ADAMTS14: variants seen among roughly 807,000 people sequenced by gnomAD.
The protein encoded by ADAMTS14 is ADAM metallopeptidase with thrombospondin type 1 motif 14, also known as A disintegrin and metalloproteinase with thrombospondin motifs 14.
In ADAMTS14, 100 loss-of-function variants were observed where a neutral mutation model predicts 128.6. That is an observed-to-expected ratio of 0.78 (90% CI 0.66 to 0.92). The LOEUF (loss-of-function observed/expected upper bound fraction) is 0.92. ADAMTS14 is among the 40% of genes least tolerant of loss of function. ADAMTS14 has a pLI of 0.00. For synonymous variants in ADAMTS14, 665 were observed against 653.8 expected (o/e 1.02, Z -0.26); for missense variants, 1,562 against 1,658.6 (o/e 0.94, Z 1.01).
rs373377233 is a variant in ADAMTS14 at position 70,702,422 on chromosome 10, C to T, written c.633C>T (p.Ala211=). 1.1e-5 allele frequency: 17 copies of T among 1,613,564 alleles called. No homozygotes were observed. In the African/African-American group the frequency reaches 1.6e-4, roughly 15 times the overall value. Reference sequence around the variant, plus strand: ...CACATGTGGTGTACCGCCGGGAGGCCGTCCAGCAGGAGTGGGCAGAACCTG... The same window carrying T: ...CACATGTGGTGTACCGCCGGGAGGCTGTCCAGCAGGAGTGGGCAGAACCTG... ...GRTHVVYRRE[A]VQQEWAEPDG... The change falls in exon 3 of 22, where the codon GCC becomes GCT. Residue 211 remains alanine, a synonymous_variant. Transcript: ENST00000373207.
At position 70,760,379 on chromosome 10, in the gene ADAMTS14, C is replaced by T. The variant is rs1368550230; in HGVS notation, c.3198C>T (p.Asp1066=). 6 of 1,584,484 alleles carry T rather than the reference C, an allele frequency of 3.8e-6. 1 individual carries two copies. In the South Asian group the frequency reaches 6.9e-5, roughly 18 times the overall value. Residue 1066 remains aspartate (D), a synonymous_variant, in exon 22 of 22, where the codon GAC becomes GAT. Coordinates refer to ENST00000373207, the MANE Select transcript of ADAMTS14 (RefSeq NM_080722.4). ...KISSTEPCTG[D]RSVFCQMEVL... Reference sequence around the variant, plus strand: ...GTGCAGCGGAGCCCTGCACGGGAGACAGGTCTGTCTTCTGCCAGATGGAAG... The same window carrying T: ...GTGCAGCGGAGCCCTGCACGGGAGATAGGTCTGTCTTCTGCCAGATGGAAG...
At position 70,758,259 on chromosome 10, in the gene ADAMTS14, T is replaced by C; in HGVS notation, c.3152T>C (p.Leu1051Pro). 6.2e-7 allele frequency: 1 copy of C among 1,614,190 alleles called. No individual in the cohort carries two copies. Among genetic ancestry groups the C allele is most frequent in the African/African-American group, 1.3e-5 (1 of 75,060 alleles). ...CAGTGGGTGCCACAATCTGAACCCC[T>C]ACATCCCATTAACAAGATATCATCA... is the stretch of plus-strand genomic sequence containing the variant. Reference protein sequence around the residue: ...EGQWVPQSEPLHPINKISSTE... With the variant: ...EGQWVPQSEPPHPINKISSTE... Residue 1051 changes from leucine to proline, a missense_variant, in exon 21 of 22, where the codon CTA (leucine) becomes CCA (proline). Physicochemically the swap from Leu to Pro is moderately conservative, Grantham distance 98. Transcript: ENST00000373207.
intron 4 of ADAMTS14, 48 bp downstream of exon 4, chr10:70,708,826 G>GGGGCCCCC: frequency 1.8e-5 from 7 of 396,622 alleles, no homozygotes; most frequent in East Asian, 7.1e-5. Context: ...GGTGGGGTGG[G>GGGGCCCCC]CCCCACCCCA....
chr10:70,749,327 C>T (rs1319877593), intron 15 of ADAMTS14, among the ~76,000 whole-genome samples: 1 of 152,200 alleles, frequency 6.6e-6, no homozygotes, highest in African/African-American at 2.4e-5. Context: ...GTACAATGAT[C>T]ATTCCCATTC....
intron 11 of ADAMTS14, 152 bp from the exon 12 acceptor site, chr10:70,740,835 C>T: frequency 1.3e-6 from 1 of 783,962 alleles, no homozygotes. Flanking sequence ...CCACAGCCCC[C>T]ACCCTGGGAG....
At chr10:70,717,476 G>T (rs10999479) in intron 4 of ADAMTS14, among the ~76,000 whole-genome samples, 54,023 of 152,028 alleles carry the variant, frequency 0.36, 11,489 homozygotes, top group Non-Finnish European at 0.49. Context: ...TGGCATCTAG[G>T]TGTGGCGGGA....
intron 4 of ADAMTS14, among the ~76,000 whole-genome samples, chr10:70,727,957 G>A (rs1841497445): frequency 1.3e-5 from 2 of 152,212 alleles, no homozygotes; most frequent in Admixed American, 6.5e-5. Context: ...TTAGAAGGGT[G>A]TGGTGGCGGG....
At chr10:70,757,908 C>T (rs947676421) in intron 19 of ADAMTS14, 54 bp from the exon 20 acceptor site, 16 of 1,532,214 alleles carry the variant, frequency 1.0e-5, no homozygotes, top group Admixed American at 1.0e-4. Flanking sequence ...TCTTTCTTCT[C>T]TCCACCTACC....
intron 2 of ADAMTS14, among the ~76,000 whole-genome samples, chr10:70,684,513 C>G (rs1204898655): frequency 6.6e-6 from 1 of 152,254 alleles, no homozygotes; most frequent in Admixed American, 6.5e-5. Context: ...TTGCAGCCAT[C>G]TTTGCAAATA....
intron 6 of ADAMTS14, among the ~76,000 whole-genome samples, chr10:70,731,550 G>C (rs1182431603): frequency 1.3e-5 from 2 of 152,062 alleles, no homozygotes; most frequent in Non-Finnish European, 2.9e-5. Context: ...AGCTGGTGCC[G>C]GCCCCCCTGC....
At chr10:70,728,549 C>T (rs771755789) in intron 4 of ADAMTS14, among the ~76,000 whole-genome samples, 1 of 152,252 alleles carries the variant, frequency 6.6e-6, no homozygotes, top group Non-Finnish European at 1.5e-5. Flanking sequence ...GAGTGTCCGC[C>T]TCATGAACAC....
intron 2 of ADAMTS14, among the ~76,000 whole-genome samples, chr10:70,698,900 T>C (rs1284910198): frequency 6.6e-6 from 1 of 152,034 alleles, no homozygotes; most frequent in African/African-American, 2.4e-5. Context: ...GAGGGTGTGA[T>C]GAGGATGGTC....
chr10:70,744,200 C>A lies in ADAMTS14; in HGVS notation c.2182+11C>A. On this transcript the variant is annotated intron_variant, in intron 14 of 21. Transcript: ENST00000373207. ...CCTCCAAGCAGGCAGGTGAGCCGGG[C>A]TGGGGCTGGGGGGATGACGAGGGCT... The A allele has an allele frequency of 6.6e-7, 1 of 1,511,012 alleles. No homozygotes were observed. The highest frequency in any genetic ancestry group is 8.9e-7 in the Non-Finnish European group (1 of 1,123,262). The allele number at this position is 1,511,012 out of a possible 1,614,324, so 93.6% of individuals were successfully genotyped here.
chr10:70,717,626 A>AGGACCTCTTTGGACATGGGGATATTGGG (rs1841100890), intron 4 of ADAMTS14, among the ~76,000 whole-genome samples: 2 of 152,234 alleles, frequency 1.3e-5, no homozygotes, highest in Admixed American at 6.5e-5. Context: ...CTCTGGGGCG[A>AGGACCTCTTTGGACATGGGGATATTGGG]GGACCTCTTT....
chr10:70,760,854 G>A lies in ADAMTS14; in HGVS notation c.*1G>A. ...CCCTGCTGCCTCCCCGGTGACATGA[G>A]CTGTGCCCTGCCATCCCACTGGCAC... is the stretch of plus-strand genomic sequence containing the variant. On this transcript the variant is annotated 3_prime_UTR_variant, in exon 22 of 22. Transcript: ENST00000373207. 6.4e-7 allele frequency: 1 copy of A among 1,558,174 alleles called. No individual in the cohort carries two copies. Among genetic ancestry groups the A allele is most frequent in the Non-Finnish European group, 8.7e-7 (1 of 1,150,324 alleles).
At chr10:70,744,847 C>G (rs2132717768) in intron 14 of ADAMTS14, among the ~76,000 whole-genome samples, 1 of 152,120 alleles carries the variant, frequency 6.6e-6, no homozygotes, top group African/African-American at 2.4e-5. Context: ...TCTTCATGGC[C>G]TTTATCATTT....
chr10:70,678,804 C>T (rs1589255118), intron 2 of ADAMTS14, among the ~76,000 whole-genome samples: 1 of 152,284 alleles, frequency 6.6e-6, no homozygotes, highest in East Asian at 1.9e-4. Context: ...GCTCAGACCC[C>T]TTCCAGCTCT....
At chr10:70,721,057 C>G (rs1295533415) in intron 4 of ADAMTS14, among the ~76,000 whole-genome samples, 2 of 113,694 alleles carry the variant, frequency 1.8e-5, no homozygotes, top group Non-Finnish European at 3.3e-5. Flanking sequence ...TGGACTCTTG[C>G]TCTGTCACCC....
chr10:70,742,947 T>A (rs1385115160), intron 12 of ADAMTS14, among the ~76,000 whole-genome samples: 6 of 152,188 alleles, frequency 3.9e-5, no homozygotes, highest in Non-Finnish European at 8.8e-5. Context: ...CCTTCTAATG[T>A]TTACAAACAT....
Sources: gnomAD v4.1 joint callset for allele counts (sites outside exome capture counted in the v4.1 genomes callset) on GRCh38, gnomAD v4.1.1 for gene constraint, MANE v1.5 for transcripts, NCBI Gene and HGNC (gene_info 2026-07-23, HGNC 2026-07-21) for gene names.